The following PACRGL variants were observed in gnomAD, a reference collection of about 807,000 sequenced individuals.
PACRGL encodes PACRG-like protein.
Under a neutral mutation model 34.5 loss-of-function variants are expected in PACRGL, and 38 were observed. The ratio of observed to expected loss-of-function variants is 1.10; its 90% CI spans 0.85 to 1.44. The LOEUF is 1.44. Among genes scored for constraint, PACRGL ranks in the 40% most tolerant of loss-of-function variants. The pLI is 0.00. For missense variants in PACRGL, 305 were observed against 281.4 expected (o/e 1.08, Z -0.60); for synonymous variants, 128 against 100.1 (o/e 1.28, Z -1.66).
intron 8 of PACRGL, among the ~76,000 whole-genome samples, chr4:20,744,201 TGAC>T (rs1480093831): frequency 2.0e-5 from 3 of 150,900 alleles, no homozygotes; most frequent in African/African-American, 7.3e-5. Context: ...GGAAGACTGG[TGAC>T]TCCTCAAGGA....
At chr4:20,751,429 C>G (rs186514639) in intron 8 of PACRGL, among the ~76,000 whole-genome samples, 2 of 152,188 alleles carry the variant, frequency 1.3e-5, no homozygotes, top group East Asian at 1.9e-4. Context: ...TTTCAACTTG[C>G]AAAGTTGTTT....
intron 8 of PACRGL, among the ~76,000 whole-genome samples, chr4:20,743,215 G>A (rs947855897): frequency 8.5e-5 from 13 of 152,152 alleles, no homozygotes; most frequent in African/African-American, 2.2e-4. Flanking sequence ...TATAGATTCA[G>A]TGCCATCCCC....
chr4:20,716,291 G>A (rs1739938349), intron 7 of PACRGL: 1 of 605,524 alleles, frequency 1.7e-6, no homozygotes, highest in South Asian at 2.0e-5. Flanking sequence ...ACCAGTCATG[G>A]AGTTTTCAGT....
rs1748399112 is a variant in PACRGL, at chr4:20,732,044, C to A, written c.*4703C>A. ...TCAATGAACTCATCTATGGTAACAA[C>A]CCCATCTTTATTTTTGTCCATTTTC... On this transcript the variant is annotated 3_prime_UTR_variant, in exon 9 of 9. Transcript: ENST00000503585. The A allele has an allele frequency of 1.9e-6, 3 of 1,612,448 alleles. No individual in the cohort carries two copies. The highest frequency in any genetic ancestry group is 2.5e-6 in the Non-Finnish European group (3 of 1,179,396).
chr4:20,707,953 G>GT (rs1735319655), intron 4 of PACRGL, 83 bp downstream of exon 4: 1 of 1,095,382 alleles, frequency 9.1e-7, no homozygotes. Flanking sequence ...TAAATGTATT[G>GT]TAAGTTTTAT....
chr4:20,739,766 T>G (rs1421240415), intron 8 of PACRGL, among the ~76,000 whole-genome samples: 1 of 152,130 alleles, frequency 6.6e-6, no homozygotes, highest in Non-Finnish European at 1.5e-5. Flanking sequence ...AGAAGTAGGC[T>G]TCAAAAGATC....
intron 7 of PACRGL, among the ~76,000 whole-genome samples, chr4:20,715,143 AATC>A (rs1739243605): frequency 6.6e-6 from 1 of 152,204 alleles, no homozygotes; most frequent in Admixed American, 6.5e-5. Context: ...TGAAACTGGA[AATC>A]ATCATTCTCA....
chr4:20,766,596 C>G, the PACRGL span, among the ~76,000 whole-genome samples: 1 of 151,992 alleles, frequency 6.6e-6, no homozygotes, highest in Admixed American at 6.6e-5. Flanking sequence ...AAACATAAAG[C>G]AACTTTAGAG....
intron 8 of PACRGL, 34 bp downstream of exon 8, chr4:20,724,922 T>G (rs1464838687): frequency 4.5e-6 from 6 of 1,318,710 alleles, no homozygotes. Context: ...GTCTTTTTTT[T>G]TAACTTTTAG....
downstream of PACRGL, among the ~76,000 whole-genome samples, chr4:20,735,530 G>GTT (rs10542507): frequency 4.2e-4 from 46 of 109,716 alleles, no homozygotes; most frequent in East Asian, 1.9e-3. Context: ...TTTTTTTTTT[G>GTT]TTTTTTTTTT....
Position 20,744,605 on chromosome 4 carries a change from G to A in PACRGL, c.*57-7960G>A, listed in dbSNP as rs191846037. On this transcript the variant is annotated intron_variant, in intron 8 of 8. Coordinates refer to the PACRGL transcript ENST00000507634. ...ACATAGGATGGAGAACATCACACAC[G>A]GGGGCCTGATGAGGGGTCAGGGGGA... Among the ~76,000 whole-genome samples, 353 of 151,850 alleles carry A rather than the reference G, an allele frequency of 2.3e-3. 7 individuals are homozygous for A. In the South Asian group the frequency reaches 0.046, roughly 20 times the overall value.
chr4:20,727,473 A>C lies in PACRGL; in HGVS notation c.*132A>C, dbSNP rs1251239714. 9.0e-6 allele frequency: 6 copies of C among 664,436 alleles called. No individual in the cohort carries two copies. The Admixed American group carries it at 1.4e-4, about 16-fold the overall frequency. The allele number at this position is 664,436 out of a possible 1,614,324, so 41.2% of individuals were successfully genotyped here. On this transcript the variant is annotated 3_prime_UTR_variant, in exon 9 of 9. Coordinates refer to ENST00000503585, the MANE Select transcript of PACRGL (RefSeq NM_001258345.3). ...ATTTACTAGGTTAAGATGAATAGAC[A>C]CTGAATCAAAGTTATTCATCAACAA... is the stretch of plus-strand genomic sequence containing the variant.
At chr4:20,703,983 G>C (rs1733430496) in intron 1 of PACRGL, among the ~76,000 whole-genome samples, 1 of 152,172 alleles carries the variant, frequency 6.6e-6, no homozygotes, top group African/African-American at 2.4e-5. Context: ...CTCAGTTTTA[G>C]TTACATTCAG....
Position 20,731,452 on chromosome 4 carries a change from A to G in PACRGL, c.*4111A>G. 1.0e-6 allele frequency: 1 copy of G among 985,356 alleles called. No homozygotes were observed. The highest frequency in any genetic ancestry group is 1.2e-6 in the Non-Finnish European group (1 of 829,868). 61.0% of individuals were successfully genotyped at this position (985,356 alleles called of 1,614,324 possible). ...TAAGCTAACACTGGTTTCTTTGATA[A>G]CAGGCTACTACCTGGAGTTCTCTTC... On this transcript the variant is annotated 3_prime_UTR_variant, in exon 9 of 9. Coordinates refer to ENST00000503585, the MANE Select transcript of PACRGL (RefSeq NM_001258345.3).
the PACRGL span, among the ~76,000 whole-genome samples, chr4:20,758,615 C>A: frequency 0.34 from 51,068 of 152,034 alleles, 9,121 homozygotes; most frequent in African/African-American, 0.44. Context: ...TTGTATTAAA[C>A]TAAAGAGCAG....
downstream of PACRGL, among the ~76,000 whole-genome samples, chr4:20,734,019 C>T (rs1749001706): frequency 6.6e-6 from 1 of 152,188 alleles, no homozygotes. Context: ...AGGACATAGG[C>T]ACACTGAGAA....
At position 20,740,006 on chromosome 4, in the gene PACRGL, C is replaced by G. The variant is rs934203809; in HGVS notation, c.*57-12559C>G. 2.5e-4 allele frequency among the ~76,000 whole-genome samples: 38 copies of G among 152,092 alleles called. No homozygotes were observed. In the South Asian group the frequency reaches 2.9e-3, roughly 12 times the overall value. ...AGAAAGGGTATCAGTGATTGAAGATCAAGTGAATGAAATGAAGCGAGAAGA... is the reference window on the plus strand; with the variant it reads ...AGAAAGGGTATCAGTGATTGAAGATGAAGTGAATGAAATGAAGCGAGAAGA... On this transcript the variant is annotated intron_variant, in intron 8 of 8. Transcript: ENST00000507634.
intron 3 of PACRGL, 33 bp from the exon 4 acceptor site, chr4:20,707,770 A>G: frequency 6.3e-7 from 1 of 1,576,198 alleles, no homozygotes; most frequent in African/African-American, 1.3e-5. Context: ...TCAGAAGTAT[A>G]GGTGATAGTA....
chr4:20,753,817 T>A (rs1038942913), downstream of PACRGL, among the ~76,000 whole-genome samples: 1 of 152,210 alleles, frequency 6.6e-6, no homozygotes, highest in African/African-American at 2.4e-5. Flanking sequence ...AATCTTTATG[T>A]CTACAGAACT....
Sources: allele counts gnomAD v4.1 joint callset (sites outside exome capture counted in the v4.1 genomes callset), GRCh38; gene constraint gnomAD v4.1.1; transcripts MANE v1.5; gene names NCBI Gene and HGNC (gene_info 2026-07-23, HGNC 2026-07-21).